The following IQGAP1 variants were observed in gnomAD, a reference collection of about 807,000 sequenced individuals.
The protein encoded by IQGAP1 is ras GTPase-activating-like protein IQGAP1.
In IQGAP1, 66 loss-of-function variants were observed where a neutral mutation model predicts 215.6. The observed-to-expected ratio is 0.31, with a 90% confidence interval of 0.25 to 0.38. The LOEUF is 0.38. Among genes scored for constraint, IQGAP1 ranks in the 10% least tolerant of loss-of-function variants. The pLI is 1.00. For missense variants in IQGAP1, 1,712 were observed against 1,997.1 expected, an observed-to-expected ratio of 0.86 and a Z score of 2.72; for synonymous variants, 772 against 728.7, an observed-to-expected ratio of 1.06 and a Z score of -0.96.
chr15:90,480,203 A>T (rs2151034661), intron 26 of IQGAP1, among the ~76,000 whole-genome samples: 1 of 148,862 alleles, frequency 6.7e-6, no homozygotes, highest in African/African-American at 2.5e-5. Context: ...TGCCTGGGCA[A>T]TGTAGACCCC....
At chr15:90,476,125 G>T (rs1232991419) in intron 23 of IQGAP1, among the ~76,000 whole-genome samples, 3 of 151,880 alleles carry the variant, frequency 2.0e-5, no homozygotes, top group African/African-American at 4.8e-5. Context: ...AAGAGATAGG[G>T]TATCTTTGTA....
At chr15:90,460,614 C>T (rs969196485) in intron 15 of IQGAP1, among the ~76,000 whole-genome samples, 24 of 152,068 alleles carry the variant, frequency 1.6e-4, no homozygotes, top group Non-Finnish European at 3.2e-4. Flanking sequence ...GAGTTTAAAG[C>T]ACCACAGAAC....
chr15:90,409,399 A>G (rs1054770702), intron 2 of IQGAP1, among the ~76,000 whole-genome samples: 4 of 151,968 alleles, frequency 2.6e-5, no homozygotes, highest in African/African-American at 4.8e-5. Flanking sequence ...CACAACAGCC[A>G]GCTAATTTTT....
intron 2 of IQGAP1, among the ~76,000 whole-genome samples, chr15:90,401,724 G>C (rs977347643): frequency 1.3e-5 from 2 of 152,344 alleles, no homozygotes; most frequent in Non-Finnish European, 1.5e-5. Context: ...CATCTAATAA[G>C]TGGTTGATCC....
chr15:90,414,061 T>TA (rs757985721), intron 2 of IQGAP1, among the ~76,000 whole-genome samples: 7 of 152,094 alleles, frequency 4.6e-5, no homozygotes, highest in South Asian at 2.1e-4. Context: ...CACAATCATT[T>TA]AAAAAAAATA....
intron 2 of IQGAP1, among the ~76,000 whole-genome samples, chr15:90,416,578 CTTT>C (rs59801805): frequency 4.5e-4 from 63 of 139,268 alleles, no homozygotes; most frequent in African/African-American, 6.4e-4. Flanking sequence ...TGTTTCCTGA[CTTT>C]TTTTTTTTTT....
chr15:90,457,595 A>ATTTT (rs34550575), intron 15 of IQGAP1, among the ~76,000 whole-genome samples: 2 of 131,370 alleles, frequency 1.5e-5, no homozygotes, highest in African/African-American at 2.9e-5. Context: ...CCTGGCTAAA[A>ATTTT]TTTTTTTTTT....
chr15:90,470,242 C>T (rs1158752194), intron 18 of IQGAP1, among the ~76,000 whole-genome samples: 2 of 152,186 alleles, frequency 1.3e-5, no homozygotes, highest in African/African-American at 4.8e-5. Flanking sequence ...TCACTGATTC[C>T]TTCTTCATTT....
intron 31 of IQGAP1, 169 bp from the exon 32 acceptor site, chr15:90,486,784 AT>A: frequency 1.5e-6 from 1 of 650,278 alleles, no homozygotes; most frequent in South Asian, 2.0e-5. Context: ...CCTTGCCTTT[AT>A]CATTTGGCAT....
At chr15:90,417,205 C>T (rs992120890) in intron 2 of IQGAP1, among the ~76,000 whole-genome samples, 5 of 152,060 alleles carry the variant, frequency 3.3e-5, no homozygotes, top group African/African-American at 4.8e-5. Flanking sequence ...GAAGCTCTTT[C>T]GTTTAATTAG....
chr15:90,459,799 G>A (rs935109806), intron 15 of IQGAP1, among the ~76,000 whole-genome samples: 1 of 152,094 alleles, frequency 6.6e-6, no homozygotes, highest in Non-Finnish European at 1.5e-5. Flanking sequence ...ATTTATCACT[G>A]AGTTACAAAT....
chr15:90,478,509 G>A (rs901992511), intron 26 of IQGAP1, among the ~76,000 whole-genome samples: 5 of 152,128 alleles, frequency 3.3e-5, no homozygotes, highest in African/African-American at 1.2e-4. Flanking sequence ...AAAAATAAAA[G>A]CATAATTAAA....
chr15:90,438,054 T>G (rs1965394493), intron 5 of IQGAP1, among the ~76,000 whole-genome samples: 1 of 152,246 alleles, frequency 6.6e-6, no homozygotes, highest in South Asian at 2.1e-4. Flanking sequence ...GGGTTTATTA[T>G]ATACAATTTA....
chr15:90,478,026 T>G, intron 26 of IQGAP1, 137 bp downstream of exon 26: 1 of 660,170 alleles, frequency 1.5e-6, no homozygotes, highest in Admixed American at 2.8e-5. Context: ...AGTTTCACTC[T>G]TGTCGTCCAG....
chr15:90,456,378 G>C, intron 15 of IQGAP1, 63 bp downstream of exon 15: 1 of 1,534,584 alleles, frequency 6.5e-7, no homozygotes, highest in South Asian at 1.2e-5. Context: ...AACAAAGGTA[G>C]AGGTAGGAAT....
chr15:90,479,742 G>A (rs1162528843), intron 26 of IQGAP1, among the ~76,000 whole-genome samples: 1 of 151,954 alleles, frequency 6.6e-6, no homozygotes, highest in Non-Finnish European at 1.5e-5. Flanking sequence ...AAAGAAAGAA[G>A]GGGCGTTTCC....
intron 2 of IQGAP1, among the ~76,000 whole-genome samples, chr15:90,415,171 TTAG>T (rs1379448462): frequency 1.3e-5 from 2 of 152,202 alleles, no homozygotes; most frequent in African/African-American, 4.8e-5. Flanking sequence ...ATTTCTTTGG[TTAG>T]TAGTAAGATT....
chr15:90,413,310 T>C (rs1392322725), intron 2 of IQGAP1, among the ~76,000 whole-genome samples: 2 of 152,086 alleles, frequency 1.3e-5, no homozygotes, highest in Non-Finnish European at 2.9e-5. Flanking sequence ...AGCCCCGGCA[T>C]TGGAAAGTAG....
chr15:90,492,213 C>G (rs1247886956), intron 34 of IQGAP1, among the ~76,000 whole-genome samples: 1 of 152,092 alleles, frequency 6.6e-6, no homozygotes, highest in Non-Finnish European at 1.5e-5. Flanking sequence ...TCTGGAATCT[C>G]AGCACTTTCT....
Sources: gnomAD v4.1 joint callset for allele counts (sites outside exome capture counted in the v4.1 genomes callset) on GRCh38, gnomAD v4.1.1 for gene constraint, MANE v1.5 for transcripts, NCBI Gene and HGNC (gene_info 2026-07-23, HGNC 2026-07-21) for gene names.